SUGCT: variants seen among roughly 807,000 people sequenced by gnomAD.
SUGCT encodes the protein succinyl-CoA:glutarate CoA-transferase.
In SUGCT, 41 loss-of-function variants were observed where a neutral mutation model predicts 55.0. That is an observed-to-expected ratio of 0.74 (90% CI 0.58 to 0.97). The LOEUF is 0.97. Among genes scored for constraint, SUGCT ranks in the 50% least tolerant of loss-of-function variants. The probability of loss-of-function intolerance (pLI) is 0.00; values close to 1 mark genes in which losing one functional copy is unlikely to be tolerated. For missense variants in SUGCT, 568 were observed against 547.8 expected (o/e 1.04, Z -0.37); for synonymous variants, 187 against 200.4 (o/e 0.93, Z 0.56).
Position 40,344,914 on chromosome 7 carries a change from G to A in SUGCT, c.816+28059G>A, listed in dbSNP as rs371138457. Among the ~76,000 whole-genome samples, 307 of 152,274 alleles carry A rather than the reference G, an allele frequency of 2.0e-3. 12 individuals are homozygous for A. The South Asian group carries it at 0.059, about 29-fold the overall frequency. ...TGTAACGTTTTTGAAAGCAGGAACC[G>A]TATAAAGTGTTTAGCAACTCAGCAT... On this transcript the variant is annotated intron_variant, in intron 9 of 13. Coordinates refer to ENST00000335693, the MANE Select transcript of SUGCT (RefSeq NM_001193313.2).
chr7:40,175,077 C>T (rs1784859849), intron 1 of SUGCT, among the ~76,000 whole-genome samples: 2 of 152,210 alleles, frequency 1.3e-5, no homozygotes, highest in Admixed American at 1.3e-4. Context: ...GTTCTTTTCC[C>T]ACTTTTCCAT....
chr7:40,147,299 C>A (rs1788303051), intron 1 of SUGCT, among the ~76,000 whole-genome samples: 1 of 152,106 alleles, frequency 6.6e-6, no homozygotes, highest in African/African-American at 2.4e-5. Context: ...GGATTTCTTA[C>A]CTCTTTTTGA....
chr7:40,919,489 T>C, the SUGCT span, among the ~76,000 whole-genome samples: 1 of 152,232 alleles, frequency 6.6e-6, no homozygotes, highest in African/African-American at 2.4e-5. Context: ...ATATTGTTTA[T>C]GATCCTGTAT....
intron 6 of SUGCT, among the ~76,000 whole-genome samples, chr7:40,197,077 C>A (rs1194929714): frequency 6.6e-6 from 1 of 152,102 alleles, no homozygotes; most frequent in Non-Finnish European, 1.5e-5. Flanking sequence ...TCAAGTGATC[C>A]ACCCACATCA....
At chr7:40,159,701 G>A (rs1054262836) in intron 1 of SUGCT, among the ~76,000 whole-genome samples, 1 of 152,126 alleles carries the variant, frequency 6.6e-6, no homozygotes, top group African/African-American at 2.4e-5. Flanking sequence ...CCTCAGAGGA[G>A]CATGGGACTG....
rs1359383485 is a variant in SUGCT at position 40,771,001 on chromosome 7, GA to G, written c.1153+21509del. 3.7e-4 allele frequency among the ~76,000 whole-genome samples: 57 copies of G among 152,244 alleles called. 1 individual carries two copies. The South Asian group carries it at 6.2e-3, about 17-fold the overall frequency. ...GTGAATGAATGAACTAATTAACCCT[GA>G]AAAATTTCCAGATGCCAATGTCTCT... On this transcript the variant is annotated intron_variant, in intron 13 of 13. Coordinates refer to ENST00000335693, the MANE Select transcript of SUGCT (RefSeq NM_001193313.2).
At chr7:40,907,126 TGTGTGTGTGTGTGTGAGAGA>T in the SUGCT span, among the ~76,000 whole-genome samples, 698 of 78,734 alleles carry the variant, frequency 8.9e-3, 7 homozygotes, top group African/African-American at 0.031. Context: ...TGTGTGTGTG[TGTGTGTGTGTGTGTGAGAGA>T]GAGAGAGAGA....
At chr7:40,421,906 G>A (rs1269490002) in intron 9 of SUGCT, among the ~76,000 whole-genome samples, 1 of 151,956 alleles carries the variant, frequency 6.6e-6, no homozygotes, top group Non-Finnish European at 1.5e-5. Context: ...AGAGATCTCC[G>A]ACCTTCTAGC....
At chr7:40,302,422 T>C (rs1465206096) in intron 8 of SUGCT, among the ~76,000 whole-genome samples, 1 of 152,204 alleles carries the variant, frequency 6.6e-6, no homozygotes, top group Non-Finnish European at 1.5e-5. Flanking sequence ...AAATGCAATA[T>C]GAAAGGTGCC....
At chr7:40,689,031 G>A (rs557150364) in intron 12 of SUGCT, among the ~76,000 whole-genome samples, 8 of 152,230 alleles carry the variant, frequency 5.3e-5, no homozygotes, top group African/African-American at 1.9e-4. Flanking sequence ...GACTATTGCT[G>A]GTTCAGTTTA....
chr7:40,910,496 T>C, the SUGCT span, among the ~76,000 whole-genome samples: 1 of 152,170 alleles, frequency 6.6e-6, no homozygotes, highest in Non-Finnish European at 1.5e-5. Flanking sequence ...TGATCCATGC[T>C]TACAAAGTGT....
intron 13 of SUGCT, among the ~76,000 whole-genome samples, chr7:40,757,336 T>C (rs1788306550): frequency 6.6e-6 from 1 of 152,168 alleles, no homozygotes; most frequent in African/African-American, 2.4e-5. Context: ...ATCTGTGGCA[T>C]GAGGAAGAAA....
chr7:40,332,837 C>G (rs527442951), intron 9 of SUGCT, among the ~76,000 whole-genome samples: 1 of 152,022 alleles, frequency 6.6e-6, no homozygotes, highest in South Asian at 2.1e-4. Context: ...AGCATGAGAC[C>G]CAATTTGACA....
intron 13 of SUGCT, among the ~76,000 whole-genome samples, chr7:40,765,513 T>TA (rs1788741476): frequency 6.7e-6 from 1 of 150,252 alleles, no homozygotes; most frequent in Non-Finnish European, 1.5e-5. Flanking sequence ...AAATAAAAAA[T>TA]AAAAAATAAA....
intron 12 of SUGCT, among the ~76,000 whole-genome samples, chr7:40,681,069 C>T (rs1037014147): frequency 1.3e-5 from 2 of 152,038 alleles, no homozygotes; most frequent in African/African-American, 4.8e-5. Context: ...TTTGTGATAT[C>T]GTGAAATATA....
chr7:40,742,402 C>T (rs1217475603), intron 12 of SUGCT, among the ~76,000 whole-genome samples: 2 of 151,964 alleles, frequency 1.3e-5, no homozygotes, highest in East Asian at 1.9e-4. Context: ...TTTCCATGGA[C>T]GGGGATGGGG....
chr7:40,953,221 C>G, the SUGCT span, among the ~76,000 whole-genome samples: 1 of 152,166 alleles, frequency 6.6e-6, no homozygotes, highest in Non-Finnish European at 1.5e-5. Flanking sequence ...ATCACTGATA[C>G]CCTTTCTTCC....
chr7:40,619,105 C>A (rs1414473750), intron 12 of SUGCT, among the ~76,000 whole-genome samples: 1 of 152,200 alleles, frequency 6.6e-6, no homozygotes, highest in East Asian at 1.9e-4. Context: ...CTAGATGACG[C>A]CTTCCATATT....
At chr7:40,747,466 C>A (rs999281842) in intron 12 of SUGCT, among the ~76,000 whole-genome samples, 11 of 152,188 alleles carry the variant, frequency 7.2e-5, no homozygotes, top group Non-Finnish European at 1.5e-5. Context: ...ATTCCATGCT[C>A]TTTTGCTCTG....
Sources: allele counts gnomAD v4.1 joint callset (sites outside exome capture counted in the v4.1 genomes callset), GRCh38; gene constraint gnomAD v4.1.1; transcripts MANE v1.5; gene names NCBI Gene and HGNC (gene_info 2026-07-23, HGNC 2026-07-21).